GABBR2: variants seen among roughly 807,000 people sequenced by gnomAD.
GABBR2 encodes gamma-aminobutyric acid type B receptor subunit 2, also known as G-protein coupled receptor 51.
A neutral mutation model predicts 105.6 loss-of-function variants in GABBR2; 23 were observed. The ratio of observed to expected loss-of-function variants is 0.22; its 90% confidence interval spans 0.16 to 0.31. GABBR2 has a LOEUF of 0.31. Among genes scored for constraint, GABBR2 ranks in the 10% least tolerant of loss-of-function variants. GABBR2 has a pLI of 1.00. For missense variants in GABBR2, 734 were observed against 1,245.5 expected, an observed-to-expected ratio of 0.59 and a Z score of 6.18; for synonymous variants, 478 against 499.7, an observed-to-expected ratio of 0.96 and a Z score of 0.58.
At chr9:98,553,647 T>C (rs915017594) in intron 2 of GABBR2, among the ~76,000 whole-genome samples, 2 of 152,168 alleles carry the variant, frequency 1.3e-5, no homozygotes, top group Admixed American at 1.3e-4. Context: ...TTTTGACTTC[T>C]TGAAATTATG....
chr9:98,619,528 A>G (rs1272837443), intron 1 of GABBR2, among the ~76,000 whole-genome samples: 1 of 152,194 alleles, frequency 6.6e-6, no homozygotes, highest in African/African-American at 2.4e-5. Context: ...CAAGAGACTG[A>G]TATTTCATCG....
At chr9:98,351,547 T>C (rs1181332062) in intron 13 of GABBR2, among the ~76,000 whole-genome samples, 3 of 152,222 alleles carry the variant, frequency 2.0e-5, no homozygotes, top group Admixed American at 6.5e-5. Flanking sequence ...ATCTGGGAAA[T>C]GGCTTTATTC....
At chr9:98,636,390 G>A (rs1829876486) in intron 1 of GABBR2, among the ~76,000 whole-genome samples, 1 of 151,660 alleles carries the variant, frequency 6.6e-6, no homozygotes, top group Non-Finnish European at 1.5e-5. Flanking sequence ...CAGTGTCTCA[G>A]ATGAAACTGA....
intron 13 of GABBR2, among the ~76,000 whole-genome samples, chr9:98,348,936 G>T (rs536414507): frequency 2.6e-5 from 4 of 152,114 alleles, no homozygotes; most frequent in African/African-American, 7.2e-5. Context: ...TTGCCTAATT[G>T]CTCTGGCTAG....
intron 12 of GABBR2, among the ~76,000 whole-genome samples, chr9:98,365,170 G>A (rs1327978756): frequency 6.6e-6 from 1 of 152,212 alleles, no homozygotes; most frequent in Non-Finnish European, 1.5e-5. Flanking sequence ...TCTTGAGCAA[G>A]CTGCTTAACT....
intron 18 of GABBR2, among the ~76,000 whole-genome samples, chr9:98,291,732 C>T (rs376069552): frequency 3.3e-5 from 5 of 152,176 alleles, no homozygotes; most frequent in East Asian, 1.9e-4. Flanking sequence ...AACCCTGCTC[C>T]TGGGTGCTCT....
chr9:98,289,687 T>G lies in GABBR2; in HGVS notation c.*897A>C, dbSNP rs1830258687. On this transcript the variant is annotated 3_prime_UTR_variant, in exon 19 of 19. Coordinates refer to ENST00000259455, the MANE Select transcript of GABBR2 (RefSeq NM_005458.8). Reference sequence around the variant, plus strand: ...GCCCTTGGGCCCTGATGAGAGAGGTTAAAGTGCACAATCTTTCTTTATCGT... The same window carrying G: ...GCCCTTGGGCCCTGATGAGAGAGGTGAAAGTGCACAATCTTTCTTTATCGT... The G allele has an allele frequency of 6.6e-6, 1 of 152,108 alleles. No homozygotes were observed. The highest frequency in any genetic ancestry group is 6.6e-5 in the Admixed American group (1 of 15,242). The allele number at this position is 152,108 out of a possible 1,614,324, so 9.4% of individuals were successfully genotyped here.
At chr9:98,353,175 C>T (rs1022641493) in intron 13 of GABBR2, among the ~76,000 whole-genome samples, 1 of 152,162 alleles carries the variant, frequency 6.6e-6, no homozygotes. Flanking sequence ...ATCTATTTTC[C>T]CCACTGTGGA....
intron 1 of GABBR2, among the ~76,000 whole-genome samples, chr9:98,659,692 T>A (rs1323862521): frequency 6.6e-6 from 1 of 152,062 alleles, no homozygotes; most frequent in Non-Finnish European, 1.5e-5. Flanking sequence ...AGCTAACTTT[T>A]GTATTTTTAG....
At chr9:98,664,992 C>T (rs190553700) in intron 1 of GABBR2, among the ~76,000 whole-genome samples, 22 of 151,934 alleles carry the variant, frequency 1.4e-4, no homozygotes, top group Admixed American at 6.6e-4. Context: ...ATTAGCCAGG[C>T]ATGGTGGCAT....
intron 3 of GABBR2, among the ~76,000 whole-genome samples, chr9:98,498,859 C>T (rs570287472): frequency 8.5e-5 from 13 of 152,334 alleles, no homozygotes; most frequent in African/African-American, 2.4e-4. Flanking sequence ...TTGAGCAGCA[C>T]GAGGTGTTGT....
intron 13 of GABBR2, among the ~76,000 whole-genome samples, chr9:98,359,109 A>T (rs372791288): frequency 5.9e-5 from 9 of 152,226 alleles, no homozygotes; most frequent in African/African-American, 2.2e-4. Context: ...TACCTGGCAC[A>T]TGACGAGTGC....
At chr9:98,601,504 G>C (rs1433203133) in intron 1 of GABBR2, among the ~76,000 whole-genome samples, 1 of 152,190 alleles carries the variant, frequency 6.6e-6, no homozygotes, top group Non-Finnish European at 1.5e-5. Flanking sequence ...AGGATGAAGC[G>C]AGACCCTGTC....
At chr9:98,497,519 T>C (rs1827305879) in intron 3 of GABBR2, among the ~76,000 whole-genome samples, 1 of 152,128 alleles carries the variant, frequency 6.6e-6, no homozygotes, top group Non-Finnish European at 1.5e-5. Flanking sequence ...CATATAGCAA[T>C]GGAAACTGGA....
At chr9:98,500,814 C>A (rs1365733501) in intron 3 of GABBR2, among the ~76,000 whole-genome samples, 1 of 152,118 alleles carries the variant, frequency 6.6e-6, no homozygotes, top group Non-Finnish European at 1.5e-5. Flanking sequence ...AACAGTGGCC[C>A]CTGCACCAGT....
intron 13 of GABBR2, among the ~76,000 whole-genome samples, chr9:98,343,792 A>G (rs1831256397): frequency 6.6e-6 from 1 of 152,032 alleles, no homozygotes; most frequent in African/African-American, 2.4e-5. Flanking sequence ...CGGGAGGTGG[A>G]GCTTGCAGTG....
chr9:98,570,763 G>T (rs566957699), intron 2 of GABBR2, among the ~76,000 whole-genome samples: 1 of 152,228 alleles, frequency 6.6e-6, no homozygotes, highest in Non-Finnish European at 1.5e-5. Flanking sequence ...ACCAGGGGGC[G>T]GGGGTTCCTG....
At chr9:98,652,912 T>C (rs115702889) in intron 1 of GABBR2, among the ~76,000 whole-genome samples, 214 of 152,352 alleles carry the variant, frequency 1.4e-3, no homozygotes, top group African/African-American at 4.8e-3. Context: ...AACACACCAG[T>C]GCCAGGCCCC....
intron 2 of GABBR2, among the ~76,000 whole-genome samples, chr9:98,576,142 T>C (rs1392729035): frequency 6.6e-6 from 1 of 152,110 alleles, no homozygotes; most frequent in Non-Finnish European, 1.5e-5. Flanking sequence ...CAGCACCCCA[T>C]GCATGCAGCA....
Sources: gnomAD v4.1 joint callset for allele counts (sites outside exome capture counted in the v4.1 genomes callset) on GRCh38, gnomAD v4.1.1 for gene constraint, MANE v1.5 for transcripts, NCBI Gene and HGNC (gene_info 2026-07-23, HGNC 2026-07-21) for gene names.